The following SEMA3A variants were observed in gnomAD, a reference collection of about 807,000 sequenced individuals.
SEMA3A encodes the protein semaphorin 3A, also known as semaphorin-3A.
SEMA3A carries 29 observed loss-of-function variants against 97.9 expected under a neutral mutation model. That is an observed-to-expected ratio of 0.30 (90% CI 0.22 to 0.40). The LOEUF (loss-of-function observed/expected upper bound fraction) is 0.40, where lower values mean the gene tolerates loss of function less well. Ranked by LOEUF, SEMA3A falls within the 10% of genes least tolerant of loss-of-function variation. SEMA3A has a pLI of 1.00. For synonymous variants in SEMA3A, 321 were observed against 323.7 expected (o/e 0.99, Z 0.09); for missense variants, 763 against 951.3 (o/e 0.80, Z 2.60).
At chr7:84,458,434 T>C (rs1308755134) in intron 1 of SEMA3A, among the ~76,000 whole-genome samples, 2 of 149,378 alleles carry the variant, frequency 1.3e-5, no homozygotes, top group South Asian at 2.1e-4. Flanking sequence ...TTAACTATTG[T>C]GGCTATTTAA....
At chr7:84,447,465 G>T (rs1165179850) in intron 1 of SEMA3A, among the ~76,000 whole-genome samples, 3 of 152,074 alleles carry the variant, frequency 2.0e-5, no homozygotes, top group Non-Finnish European at 4.4e-5. Flanking sequence ...GCCCATGGCC[G>T]CCCATGGACC....
intron 4 of SEMA3A, among the ~76,000 whole-genome samples, chr7:84,078,518 T>C (rs1794032042): frequency 6.6e-6 from 1 of 152,126 alleles, no homozygotes; most frequent in Admixed American, 6.6e-5. Flanking sequence ...CTTGCCATTC[T>C]TTAGCTTTAC....
intron 3 of SEMA3A, among the ~76,000 whole-genome samples, chr7:84,301,870 TCA>T (rs1386561970): frequency 6.6e-6 from 1 of 152,268 alleles, no homozygotes; most frequent in South Asian, 2.1e-4. Context: ...TGGAAAACTG[TCA>T]TTTCTTCAAA....
intron 5 of SEMA3A, among the ~76,000 whole-genome samples, chr7:84,055,309 G>C (rs1048661694): frequency 2.8e-4 from 42 of 152,302 alleles, no homozygotes; most frequent in Middle Eastern, 3.4e-3. Context: ...CCGCCTCGCT[G>C]CGGCCTTGCA....
intron 1 of SEMA3A, among the ~76,000 whole-genome samples, chr7:84,189,781 C>G (rs987370335): frequency 1.3e-5 from 2 of 151,254 alleles, no homozygotes; most frequent in Non-Finnish European, 3.0e-5. Flanking sequence ...CCTGAAAGAT[C>G]CATGAAATAC....
chr7:84,386,917 T>C (rs989324805), intron 1 of SEMA3A, among the ~76,000 whole-genome samples: 3 of 151,990 alleles, frequency 2.0e-5, no homozygotes, highest in Non-Finnish European at 4.4e-5. Flanking sequence ...GGAGAAACAC[T>C]TGAACCCAGG....
intron 3 of SEMA3A, among the ~76,000 whole-genome samples, chr7:84,285,391 T>C (rs572647990): frequency 2.0e-5 from 3 of 152,288 alleles, no homozygotes; most frequent in South Asian, 4.1e-4. Flanking sequence ...TGTGCACATA[T>C]ACATGCAAGC....
chr7:84,188,263 C>T (rs1224876456), intron 1 of SEMA3A, among the ~76,000 whole-genome samples: 1 of 151,946 alleles, frequency 6.6e-6, no homozygotes, highest in Non-Finnish European at 1.5e-5. Context: ...ATCTTCATTC[C>T]CCAATTCAAG....
chr7:84,169,255 C>G (rs1797310614), intron 1 of SEMA3A, among the ~76,000 whole-genome samples: 2 of 151,154 alleles, frequency 1.3e-5, no homozygotes, highest in South Asian at 4.2e-4. Flanking sequence ...GTTTTAAAAA[C>G]CTAAAATGAA....
intron 6 of SEMA3A, among the ~76,000 whole-genome samples, chr7:84,045,810 T>A (rs969692133): frequency 6.6e-6 from 1 of 151,922 alleles, no homozygotes; most frequent in Non-Finnish European, 1.5e-5. Context: ...GGTTTTAAGA[T>A]GATTAAGATT....
At chr7:84,426,771 C>T (rs1003340225) in intron 1 of SEMA3A, among the ~76,000 whole-genome samples, 1 of 152,068 alleles carries the variant, frequency 6.6e-6, no homozygotes, top group Non-Finnish European at 1.5e-5. Flanking sequence ...TACCACTAAT[C>T]TTTACCTTTG....
intron 3 of SEMA3A, among the ~76,000 whole-genome samples, chr7:84,220,345 T>A (rs776181412): frequency 3.3e-5 from 5 of 152,164 alleles, no homozygotes; most frequent in Non-Finnish European, 5.9e-5. Flanking sequence ...AGTCTTAAAA[T>A]CCTCAAAGTC....
At chr7:84,047,610 T>C (rs1323199263) in intron 5 of SEMA3A, among the ~76,000 whole-genome samples, 2 of 152,068 alleles carry the variant, frequency 1.3e-5, no homozygotes, top group African/African-American at 2.4e-5. Context: ...TGTAATTGCC[T>C]TTCTACATAC....
chr7:84,476,653 T>C (rs1472431299), intron 1 of SEMA3A, among the ~76,000 whole-genome samples: 2 of 152,170 alleles, frequency 1.3e-5, no homozygotes, highest in African/African-American at 4.8e-5. Context: ...TATTAAAATC[T>C]TGTATTCCTT....
At chr7:84,455,622 C>T (rs1321836698) in intron 1 of SEMA3A, among the ~76,000 whole-genome samples, 5 of 151,806 alleles carry the variant, frequency 3.3e-5, no homozygotes, top group Non-Finnish European at 3.0e-5. Flanking sequence ...GTGATAATTT[C>T]TATGATTTCA....
At chr7:84,194,796 GAA>G (rs36048075), upstream of SEMA3A, 3,414 of 156,504 alleles carry the variant, frequency 0.022, 6 homozygotes, top group East Asian at 0.056. Flanking sequence ...CCTCCAAAAA[GAA>G]AAAAAAAAAA....
chr7:84,102,955 G>A (rs1391233912), intron 4 of SEMA3A, among the ~76,000 whole-genome samples: 2 of 150,448 alleles, frequency 1.3e-5, no homozygotes, highest in East Asian at 2.0e-4. Context: ...ATATTGTATG[G>A]GGGTTTTTTT....
intron 6 of SEMA3A, among the ~76,000 whole-genome samples, chr7:84,023,200 G>A (rs372707477): frequency 9.5e-4 from 144 of 152,200 alleles, no homozygotes; most frequent in African/African-American, 3.3e-3. Context: ...CAGGACACGC[G>A]GCTGCACTTA....
chr7:84,410,857 G>T (rs771624491), intron 1 of SEMA3A, among the ~76,000 whole-genome samples: 12 of 152,002 alleles, frequency 7.9e-5, no homozygotes, highest in African/African-American at 2.9e-4. Context: ...CTATTTGACC[G>T]TTTTCCCAGG....
Sources: allele counts gnomAD v4.1 joint callset (sites outside exome capture counted in the v4.1 genomes callset), GRCh38; gene constraint gnomAD v4.1.1; transcripts MANE v1.5; gene names NCBI Gene and HGNC (gene_info 2026-07-23, HGNC 2026-07-21).